Variants in SEPTIN9 observed in about 807,000 individuals in gnomAD.
SEPTIN9 encodes septin 9, also known as septin-9.
In SEPTIN9, 13 loss-of-function variants were observed where a neutral mutation model predicts 56.6. The ratio of observed to expected loss-of-function variants is 0.23; its 90% confidence interval spans 0.15 to 0.37. The LOEUF (loss-of-function observed/expected upper bound fraction) is 0.37, where lower values mean the gene tolerates loss of function less well. SEPTIN9 is among the 10% of genes least tolerant of loss of function. SEPTIN9 has a pLI of 1.00. For synonymous variants in SEPTIN9, 332 were observed against 334.1 expected, an observed-to-expected ratio of 0.99 and a Z score of 0.07; for missense variants, 650 against 823.1, an observed-to-expected ratio of 0.79 and a Z score of 2.57.
intron 2 of SEPTIN9, among the ~76,000 whole-genome samples, chr17:77,350,884 A>G (rs936937088): frequency 6.6e-6 from 1 of 152,114 alleles, no homozygotes; most frequent in Non-Finnish European, 1.5e-5. Context: ...ATCTTGTTTC[A>G]TGAAGCCTGA....
intron 2 of SEPTIN9, among the ~76,000 whole-genome samples, chr17:77,380,471 C>T (rs2035104467): frequency 6.6e-6 from 1 of 151,982 alleles, no homozygotes; most frequent in Non-Finnish European, 1.5e-5. Flanking sequence ...ATCTCTGGGC[C>T]AACTGGGAAA....
chr17:77,427,643 G>A (rs929331497), intron 3 of SEPTIN9, among the ~76,000 whole-genome samples: 1 of 152,202 alleles, frequency 6.6e-6, no homozygotes, highest in Non-Finnish European at 1.5e-5. Context: ...GTCAGCCTTC[G>A]GGGAGGGAAG....
In SEPTIN9 at chr17:77,453,652, G is replaced by C. The variant is rs986240195; in HGVS notation, c.722-28492G>C. Among the ~76,000 whole-genome samples the C allele has an allele frequency of 6.7e-6, 1 of 148,402 alleles. No individual in the cohort carries two copies. Among genetic ancestry groups the C allele is most frequent in the Non-Finnish European group, 1.5e-5 (1 of 67,482 alleles). ...TATCTGGGCCTGGGATCTGTCCTCCGAACACTGGGTCCACTGTGCTCCACA... is the reference window on the plus strand; with the variant it reads ...TATCTGGGCCTGGGATCTGTCCTCCCAACACTGGGTCCACTGTGCTCCACA... On this transcript the variant is annotated intron_variant, in intron 3 of 11. Transcript: ENST00000427177. This position sits in a 1 kb window ranked among gnomAD's most constrained non-coding sequence, Gnocchi z 4.4.
At chr17:77,488,628 T>G in intron 6 of SEPTIN9, 99 bp from the exon 7 acceptor site, 1 of 1,519,706 alleles carries the variant, frequency 6.6e-7, no homozygotes, top group Non-Finnish European at 9.0e-7. Flanking sequence ...ATGCATTTCA[T>G]TGGAAGGTGG....
chr17:77,478,636 G>A (rs941789766), intron 3 of SEPTIN9, among the ~76,000 whole-genome samples: 4 of 152,016 alleles, frequency 2.6e-5, no homozygotes, highest in Admixed American at 6.6e-5. Context: ...GAGAAACCCC[G>A]TCTCTACTAA....
intron 3 of SEPTIN9, among the ~76,000 whole-genome samples, chr17:77,447,539 A>C (rs1015113358): frequency 6.6e-6 from 1 of 152,274 alleles, no homozygotes; most frequent in African/African-American, 2.4e-5. Context: ...CACCCAGGGA[A>C]GGGGAAGAGT....
chr17:77,442,447 T>A (rs2037580507), intron 3 of SEPTIN9, among the ~76,000 whole-genome samples: 2 of 135,236 alleles, frequency 1.5e-5, no homozygotes. Context: ...TCTGCCTACC[T>A]CGGCCTCCCA....
At chr17:77,485,794 A>G (rs939891263) in intron 4 of SEPTIN9, among the ~76,000 whole-genome samples, 4 of 152,050 alleles carry the variant, frequency 2.6e-5, no homozygotes, top group African/African-American at 9.7e-5. Flanking sequence ...CACTTTTCCT[A>G]GAAAGGTGTT....
chr17:77,311,832 A>T (rs1401988489), intron 2 of SEPTIN9, among the ~76,000 whole-genome samples: 1 of 152,160 alleles, frequency 6.6e-6, no homozygotes, highest in Non-Finnish European at 1.5e-5. Context: ...GTCGTGGAAG[A>T]GACCACCAGC....
At chr17:77,373,399 G>A (rs1348022124) in intron 2 of SEPTIN9, 25 of 1,256,962 alleles carry the variant, frequency 2.0e-5, no homozygotes, top group Non-Finnish European at 2.5e-5. Context: ...CACTGCAGGA[G>A]CGCGGGCGCG....
chr17:77,389,130 C>A lies in SEPTIN9; in HGVS notation c.77-12929C>A, dbSNP rs1482115418. On this transcript the variant is annotated intron_variant, in intron 2 of 11. Transcript: ENST00000427177. The surrounding 1 kb of genome is among the most constrained non-coding windows in gnomAD (Gnocchi z 4.3). The stretch of plus-strand genomic sequence containing the variant: ...GCTTCCCATCCATGGGAAGAAGCAC[C>A]GAGCAGCCTTGCTGGCTCCTCGCAG... 6.6e-6 allele frequency among the ~76,000 whole-genome samples: 1 copy of A among 152,120 alleles called. No homozygotes were observed. Among genetic ancestry groups the A allele is most frequent in the Non-Finnish European group, 1.5e-5 (1 of 68,008 alleles).
At chr17:77,287,212 C>T (rs995945629) in intron 1 of SEPTIN9, among the ~76,000 whole-genome samples, 7 of 152,200 alleles carry the variant, frequency 4.6e-5, no homozygotes, top group Non-Finnish European at 8.8e-5. Flanking sequence ...GGGCAGCCAT[C>T]GTGATGCCAG....
intron 2 of SEPTIN9, among the ~76,000 whole-genome samples, chr17:77,390,346 TAAA>T (rs200348069): frequency 3.3e-5 from 3 of 90,332 alleles, no homozygotes; most frequent in Admixed American, 1.5e-4. Flanking sequence ...GACTCCGTCT[TAAA>T]AAAAAAAAAA....
At chr17:77,351,300 T>C (rs1450476714) in intron 2 of SEPTIN9, among the ~76,000 whole-genome samples, 1 of 151,896 alleles carries the variant, frequency 6.6e-6, no homozygotes, top group Non-Finnish European at 1.5e-5. Context: ...CTGTGGATTG[T>C]ACCTAGGCCT....
At chr17:77,442,303 T>G in intron 3 of SEPTIN9, 1 of 152,022 alleles carries the variant, frequency 6.6e-6, no homozygotes, top group African/African-American at 2.4e-5. Context: ...GTTCAAGCGA[T>G]TCCCCTGCCT....
At chr17:77,334,669 A>G (rs551312545) in intron 2 of SEPTIN9, among the ~76,000 whole-genome samples, 7 of 152,126 alleles carry the variant, frequency 4.6e-5, no homozygotes, top group African/African-American at 1.7e-4. Flanking sequence ...ACTAAGGTCA[A>G]AAGAAGTTCT....
intron 2 of SEPTIN9, among the ~76,000 whole-genome samples, chr17:77,395,021 C>T (rs1401414851): frequency 6.6e-6 from 1 of 151,326 alleles, no homozygotes; most frequent in Non-Finnish European, 1.5e-5. Flanking sequence ...GGCCAGCATG[C>T]AGTTACCCAC....
At chr17:77,446,900 G>A (rs1338203880) in intron 3 of SEPTIN9, 1 of 167,110 alleles carries the variant, frequency 6.0e-6, no homozygotes, top group Non-Finnish European at 1.5e-5. Flanking sequence ...TGCTTTAAAT[G>A]TATATTTTTT....
At chr17:77,288,182 A>C in intron 1 of SEPTIN9, 1 of 1,055,392 alleles carries the variant, frequency 9.5e-7, no homozygotes, top group East Asian at 5.3e-5. Context: ...TCTTTTCTCA[A>C]TGGGGATGTG....
Sources: gnomAD v4.1 joint callset for allele counts (sites outside exome capture counted in the v4.1 genomes callset) on GRCh38, gnomAD v4.1.1 for gene constraint, Gnocchi (gnomAD v3.1) non-coding constraint, MANE v1.5 for transcripts, NCBI Gene and HGNC (gene_info 2026-07-23, HGNC 2026-07-21) for gene names.